Variants in PATJ observed in about 807,000 individuals in gnomAD.
PATJ encodes inaD-like protein.
A neutral mutation model predicts 224.9 loss-of-function variants in PATJ; 190 were observed. The observed-to-expected ratio is 0.84, with a 90% CI of 0.75 to 0.95. The LOEUF is 0.95. PATJ is among the 40% of genes least tolerant of loss of function. The probability of loss-of-function intolerance (pLI) is 0.00; values close to 1 mark genes in which losing one functional copy is unlikely to be tolerated. For synonymous variants in PATJ, 769 were observed against 820.3 expected (o/e 0.94, Z 1.07); for missense variants, 2,121 against 2,270.3 (o/e 0.93, Z 1.34).
chr1:61,877,816 T>C (rs1231871665), intron 21 of PATJ, among the ~76,000 whole-genome samples: 1 of 152,186 alleles, frequency 6.6e-6, no homozygotes, highest in African/African-American at 2.4e-5. Context: ...TCCTAGAGCA[T>C]TTATTTTTTA....
chr1:62,122,968 C>T, intron 38 of PATJ, 53 bp from the exon 39 acceptor site: 1 of 1,186,000 alleles, frequency 8.4e-7, no homozygotes, highest in Admixed American at 2.0e-5. Context: ...ATATTATATG[C>T]TAAATATATT....
chr1:61,963,223 A>G (rs1446190080), intron 27 of PATJ, among the ~76,000 whole-genome samples: 1 of 152,226 alleles, frequency 6.6e-6, no homozygotes, highest in South Asian at 2.1e-4. Flanking sequence ...CCAATAACAC[A>G]ACCAATCAGT....
intron 41 of PATJ, among the ~76,000 whole-genome samples, chr1:62,140,680 T>A (rs1667412029): frequency 6.6e-6 from 1 of 151,610 alleles, no homozygotes; most frequent in Admixed American, 6.6e-5. Context: ...TTTACCCAAA[T>A]AAAACTATGA....
At chr1:61,980,141 T>C (rs921651677) in intron 27 of PATJ, among the ~76,000 whole-genome samples, 4 of 152,092 alleles carry the variant, frequency 2.6e-5, no homozygotes, top group Admixed American at 1.3e-4. Context: ...TGAAAACAGC[T>C]GAGCATAGAG....
rs34300724 is a variant in PATJ at position 62,156,054 on chromosome 1, T to TAAAAAA, written c.5502+2594_5502+2599dup. On this transcript the variant is annotated intron_variant, in intron 43 of 43. Coordinates refer to ENST00000642238, the MANE Select transcript of PATJ (RefSeq NM_001350145.3). The stretch of plus-strand genomic sequence containing the variant: ...GCCTGGGTGACAGAGCAAGACTCTG[T>TAAAAAA]AAAAAAAAAAAAAAAAAAAAAAAAA... Among the ~76,000 whole-genome samples the TAAAAAA allele has an allele frequency of 1.2e-3, 52 of 43,058 alleles. 6 individuals carry two copies. The highest frequency in any genetic ancestry group is 1.8e-3 in the Non-Finnish European group (47 of 25,634). 28.2% of individuals were successfully genotyped at this position (43,058 alleles called of 152,430 possible). A position where few individuals can be genotyped will look rare whatever the true frequency, so the allele number is the denominator to read the frequency against.
At chr1:61,961,716 C>T (rs1212409320) in intron 27 of PATJ, among the ~76,000 whole-genome samples, 4 of 151,982 alleles carry the variant, frequency 2.6e-5, no homozygotes, top group Non-Finnish European at 5.9e-5. Context: ...TGCCTGTAAT[C>T]CCAGCACTTT....
intron 27 of PATJ, among the ~76,000 whole-genome samples, chr1:61,959,523 C>G (rs540089149): frequency 6.7e-6 from 1 of 150,020 alleles, no homozygotes; most frequent in African/African-American, 2.4e-5. Flanking sequence ...CAGCCTCGAC[C>G]CACCAGGCTC....
intron 27 of PATJ, among the ~76,000 whole-genome samples, chr1:61,952,874 A>G (rs1349940134): frequency 6.6e-6 from 1 of 152,240 alleles, no homozygotes. Flanking sequence ...AAAACTGACC[A>G]TTCAGCATTT....
Position 62,125,312 on chromosome 1 carries a change from A to G in PATJ, c.5043+2254A>G, listed in dbSNP as rs568093856. 3.3e-5 allele frequency among the ~76,000 whole-genome samples: 5 copies of G among 150,238 alleles called. 1 individual carries two copies. The highest frequency in any genetic ancestry group is 7.4e-5 in the Non-Finnish European group (5 of 67,652). ...TATAATAGTTAGCAACTCAACCTCA[A>G]TTTTCTCATCTGTAGAATGGGGGTG... On this transcript the variant is annotated intron_variant, in intron 39 of 43. Transcript: ENST00000642238.
At chr1:61,855,000 A>G (rs12728331) in intron 17 of PATJ, among the ~76,000 whole-genome samples, 10,531 of 152,254 alleles carry the variant, frequency 0.069, 483 homozygotes, top group South Asian at 0.14. Flanking sequence ...AGGTCACATT[A>G]TTTATAAATA....
intron 28 of PATJ, among the ~76,000 whole-genome samples, chr1:61,996,164 G>A (rs1260143192): frequency 6.6e-6 from 1 of 152,118 alleles, no homozygotes; most frequent in East Asian, 1.9e-4. Context: ...AAAATCAAAA[G>A]CATGAATGTG....
At chr1:61,790,226 AAG>A (rs1649507148) in intron 8 of PATJ, among the ~76,000 whole-genome samples, 1 of 129,724 alleles carries the variant, frequency 7.7e-6, no homozygotes, top group African/African-American at 2.9e-5. Context: ...AAAAAAAAAG[AAG>A]AAGAAGAAAA....
intron 27 of PATJ, among the ~76,000 whole-genome samples, chr1:61,984,104 C>T (rs1644600560): frequency 1.3e-5 from 2 of 151,360 alleles, no homozygotes; most frequent in African/African-American, 4.9e-5. Context: ...TGCACCTGGC[C>T]CCCCAAAATT....
At chr1:61,746,857 G>A (rs1169213336) in intron 1 of PATJ, among the ~76,000 whole-genome samples, 2 of 152,142 alleles carry the variant, frequency 1.3e-5, no homozygotes, top group Non-Finnish European at 2.9e-5. Context: ...CTTTCAGATT[G>A]CATTTTTAAA....
chr1:62,122,798 T>C (rs1419889151), intron 38 of PATJ, among the ~76,000 whole-genome samples: 1 of 150,510 alleles, frequency 6.6e-6, no homozygotes, highest in Non-Finnish European at 1.5e-5. Context: ...CACTCCAGCC[T>C]GGGTGACAAA....
intron 7 of PATJ, among the ~76,000 whole-genome samples, chr1:61,778,422 A>T (rs1379688008): frequency 6.6e-6 from 1 of 152,190 alleles, no homozygotes; most frequent in Non-Finnish European, 1.5e-5. Flanking sequence ...ATAGTGTCTG[A>T]AAGTTTGTTG....
chr1:62,153,537 CT>C, intron 43 of PATJ, 56 bp downstream of exon 43: 4 of 1,113,824 alleles, frequency 3.6e-6, no homozygotes, highest in Non-Finnish European at 4.5e-6. Flanking sequence ...GGTGAGATTT[CT>C]TTTAAGTGCT....
At chr1:62,012,934 T>G (rs1227649498) in intron 28 of PATJ, among the ~76,000 whole-genome samples, 1 of 152,246 alleles carries the variant, frequency 6.6e-6, no homozygotes, top group Non-Finnish European at 1.5e-5. Flanking sequence ...TTTCTTGGGT[T>G]TCTTGCTCTG....
chr1:62,028,269 T>C (rs1315288836), intron 29 of PATJ, among the ~76,000 whole-genome samples: 1 of 152,164 alleles, frequency 6.6e-6, no homozygotes, highest in African/African-American at 2.4e-5. Context: ...ACAGGCATGA[T>C]CATAGCACAG....
Sources: gnomAD v4.1 joint callset for allele counts (sites outside exome capture counted in the v4.1 genomes callset) on GRCh38, gnomAD v4.1.1 for gene constraint, MANE v1.5 for transcripts, NCBI Gene and HGNC (gene_info 2026-07-23, HGNC 2026-07-21) for gene names.